The following GNAI1 variants were observed in gnomAD, a reference collection of about 807,000 sequenced individuals.
GNAI1 encodes G protein subunit alpha i1, also known as guanine nucleotide-binding protein G(i) subunit alpha-1.
In GNAI1, 11 loss-of-function variants were observed where a neutral mutation model predicts 38.9. The observed-to-expected ratio is 0.28, with a 90% CI of 0.18 to 0.47. The LOEUF (loss-of-function observed/expected upper bound fraction) is 0.47. Among genes scored for constraint, GNAI1 ranks in the 20% least tolerant of loss-of-function variants. The probability of loss-of-function intolerance (pLI) is 0.99; values close to 1 mark genes in which losing one functional copy is unlikely to be tolerated. For missense variants in GNAI1, 317 were observed against 436.9 expected (o/e 0.73, Z 2.45); for synonymous variants, 166 against 145.1 (o/e 1.14, Z -1.04).
rs768764980 is a variant in GNAI1, at chr7:80,155,479, T to C, written c.118+20201T>C. On this transcript the variant is annotated intron_variant, in intron 1 of 7. Coordinates refer to ENST00000649796, the MANE Select transcript of GNAI1 (RefSeq NM_002069.6). Reference sequence around the variant, plus strand: ...TGATTTCCGTTAGGTAGTTAGAGGTTATGTTTTTATTTATTCTGAAATGAT... The same window carrying C: ...TGATTTCCGTTAGGTAGTTAGAGGTCATGTTTTTATTTATTCTGAAATGAT... Among the ~76,000 whole-genome samples, 3 of 152,224 alleles carry C rather than the reference T, an allele frequency of 2.0e-5. No homozygotes were observed. The East Asian group carries it at 5.8e-4, about 29-fold the overall frequency.
intron 1 of GNAI1, among the ~76,000 whole-genome samples, chr7:80,140,007 G>A (rs1433578657): frequency 3.7e-5 from 5 of 135,916 alleles, no homozygotes; most frequent in East Asian, 2.2e-4. Flanking sequence ...TTTTTTTGAC[G>A]GAGTCTTGCT....
At chr7:80,161,954 G>T (rs1787930978) in intron 1 of GNAI1, among the ~76,000 whole-genome samples, 1 of 152,110 alleles carries the variant, frequency 6.6e-6, no homozygotes, top group South Asian at 2.1e-4. Context: ...TAAATACCAG[G>T]TTATTTAATA....
chr7:80,216,967 A>G lies in GNAI1; in HGVS notation c.875-336A>G, dbSNP rs138169986. Among the ~76,000 whole-genome samples, 492 of 152,286 alleles carry G rather than the reference A, an allele frequency of 3.2e-3. 3 individuals carry two copies. The highest frequency in any genetic ancestry group is 0.011 in the African/African-American group (464 of 41,576). On this transcript the variant is annotated intron_variant, in intron 7 of 7. Coordinates refer to ENST00000649796, the MANE Select transcript of GNAI1 (RefSeq NM_002069.6). Reference sequence around the variant, plus strand: ...CTGAAATAGCATGCCGTCGTCAAGCATCTGAGCTGGGGTGTAGAGGACAGA... The same window carrying G: ...CTGAAATAGCATGCCGTCGTCAAGCGTCTGAGCTGGGGTGTAGAGGACAGA...
chr7:80,212,889 A>G lies in GNAI1; in HGVS notation c.874+20A>G. On this transcript the variant is annotated intron_variant, in intron 7 of 7. Transcript: ENST00000649796. ...ATGCAGGTATTTTCCTTTTCTGGGAATAACTTGTCAAGTTACATATTTCTA... is the reference window on the plus strand; with the variant it reads ...ATGCAGGTATTTTCCTTTTCTGGGAGTAACTTGTCAAGTTACATATTTCTA... 2 of 1,497,304 alleles carry G rather than the reference A, an allele frequency of 1.3e-6. No individual in the cohort carries two copies. The highest frequency in any genetic ancestry group is 1.3e-5 in the South Asian group (1 of 76,712). 92.8% of individuals were successfully genotyped at this position (1,497,304 alleles called of 1,614,324 possible). A position where few individuals can be genotyped will look rare whatever the true frequency, so the allele number is the denominator to read the frequency against.
chr7:80,189,263 A>T (rs746095908), intron 3 of GNAI1, 32 bp downstream of exon 3: 1 of 1,588,692 alleles, frequency 6.3e-7, no homozygotes, highest in Non-Finnish European at 8.6e-7. Flanking sequence ...AGCTGACCTG[A>T]TGGGTAAAAA....
intron 1 of GNAI1, among the ~76,000 whole-genome samples, chr7:80,186,623 CCTTTCTCTGGG>C (rs1446646725): frequency 2.6e-5 from 4 of 152,218 alleles, no homozygotes; most frequent in African/African-American, 9.6e-5. Flanking sequence ...ATCACTTGAA[CCTTTCTCTGGG>C]CTTTTCAGTT....
At chr7:80,209,077 A>G (rs1204486076) in intron 5 of GNAI1, among the ~76,000 whole-genome samples, 2 of 152,094 alleles carry the variant, frequency 1.3e-5, no homozygotes, top group African/African-American at 4.8e-5. Context: ...TAATCTCCCT[A>G]TTTCTACCAG....
chr7:80,166,626 GT>G (rs1190472681), intron 1 of GNAI1, among the ~76,000 whole-genome samples: 2 of 152,046 alleles, frequency 1.3e-5, no homozygotes, highest in African/African-American at 4.8e-5. Flanking sequence ...TTCTAATGTT[GT>G]TTATTTAACT....
intron 1 of GNAI1, among the ~76,000 whole-genome samples, chr7:80,163,595 A>G (rs1787960883): frequency 6.6e-6 from 1 of 152,218 alleles, no homozygotes; most frequent in African/African-American, 2.4e-5. Context: ...ACATATGTGA[A>G]GATAGTTTTA....
chr7:80,160,588 G>T (rs941135323), intron 1 of GNAI1, among the ~76,000 whole-genome samples: 4 of 152,206 alleles, frequency 2.6e-5, no homozygotes, highest in Middle Eastern at 3.4e-3. Flanking sequence ...TTTTAAAAAT[G>T]AATACTTGTG....
chr7:80,171,068 T>G (rs944016694), intron 1 of GNAI1, among the ~76,000 whole-genome samples: 2 of 152,176 alleles, frequency 1.3e-5, no homozygotes, highest in East Asian at 1.9e-4. Flanking sequence ...AGCAACTGAT[T>G]CAACTAGAAA....
Position 80,217,654 on chromosome 7 carries a change from C to G in GNAI1, c.*161C>G, listed in dbSNP as rs1341800988. 2.2e-6 allele frequency: 1 copy of G among 459,330 alleles called. No individual in the cohort carries two copies. Among genetic ancestry groups the G allele is most frequent in the Admixed American group, 4.0e-5 (1 of 24,808 alleles). 28.5% of individuals were successfully genotyped at this position (459,330 alleles called of 1,614,324 possible). A position where few individuals can be genotyped will look rare whatever the true frequency, so the allele number is the denominator to read the frequency against. On this transcript the variant is annotated 3_prime_UTR_variant, in exon 8 of 8. Transcript: ENST00000649796. ...GTTTTGTTTTTTTAACTGAAAGTAA[C>G]AGAAGGACCTTTCTTAAATGTGACA...
In GNAI1 at chr7:80,186,239, G is replaced by A. The variant is rs1461641734; in HGVS notation, c.119-2712G>A. 2.6e-5 allele frequency among the ~76,000 whole-genome samples: 4 copies of A among 151,914 alleles called. No homozygotes were observed. The East Asian group carries it at 7.8e-4, about 30-fold the overall frequency. On this transcript the variant is annotated intron_variant, in intron 1 of 7. Transcript: ENST00000649796. Reference sequence around the variant, plus strand: ...GTAGAGACAGGATTTCACCATATTGGCCAGGCTGGTCTAGAACTCTTGTCC... The same window carrying A: ...GTAGAGACAGGATTTCACCATATTGACCAGGCTGGTCTAGAACTCTTGTCC...
Position 80,224,776 on chromosome 7 carries a change from C to A in GNAI1, c.*7283C>A, listed in dbSNP as rs1789132132. ...ACGTAGCTAGTCCAAAGTGAGTTGG[C>A]CTATTAGTGTAAAATACAAGAGTTC... On this transcript the variant is annotated 3_prime_UTR_variant, in exon 8 of 8. Transcript: ENST00000649796. Among the ~76,000 whole-genome samples, 2 of 151,974 alleles carry A rather than the reference C, an allele frequency of 1.3e-5. No individual in the cohort carries two copies. Among genetic ancestry groups the A allele is most frequent in the South Asian group, 4.2e-4 (2 of 4,804 alleles).
Position 80,220,467 on chromosome 7 carries a change from A to G in GNAI1, c.*2974A>G, listed in dbSNP as rs1250584544. On this transcript the variant is annotated 3_prime_UTR_variant, in exon 8 of 8. Coordinates refer to ENST00000649796, the MANE Select transcript of GNAI1 (RefSeq NM_002069.6). ...TGATTCTGATAGAGCTGCCAATCGC[A>G]TTTCTTACTTCTCCGTCTCTAGGCT... is the stretch of plus-strand genomic sequence containing the variant. Among the ~76,000 whole-genome samples the G allele has an allele frequency of 1.3e-5, 2 of 152,090 alleles. No homozygotes were observed.
intron 3 of GNAI1, among the ~76,000 whole-genome samples, chr7:80,197,683 A>G (rs956220410): frequency 6.6e-6 from 1 of 152,086 alleles, no homozygotes; most frequent in Non-Finnish European, 1.5e-5. Context: ...TATTAAGGAT[A>G]TCATGCACGT....
rs574727960 is a variant in GNAI1, at chr7:80,226,141, G to C, written c.*8648G>C. Among the ~76,000 whole-genome samples, 1 of 152,080 alleles carries C rather than the reference G, an allele frequency of 6.6e-6. No individual in the cohort carries two copies. Among genetic ancestry groups the C allele is most frequent in the East Asian group, 1.9e-4 (1 of 5,172 alleles). The stretch of plus-strand genomic sequence containing the variant: ...TTTATATCAACTTAATTGTCTTTTG[G>C]TTTAAAATTATGTATCCAATAAAGA... On this transcript the variant is annotated 3_prime_UTR_variant, in exon 8 of 8. Transcript: ENST00000649796.
At chr7:80,135,652 C>CCG in intron 1 of GNAI1, 1 of 153,806 alleles carries the variant, frequency 6.5e-6, no homozygotes, top group Non-Finnish European at 1.3e-5. Flanking sequence ...GAAAACACCC[C>CCG]CCCCCCCGCG....
In GNAI1 at chr7:80,189,224, C is replaced by A. The variant is rs766033442; in HGVS notation, c.296C>A (p.Ala99Asp). Reference protein sequence around the residue: ...GRLKIDFGDSARADDARQLFV... With the variant: ...GRLKIDFGDSDRADDARQLFV... ...TTGAAGATAGACTTTGGTGACTCAG[C>A]CCGGGCGGTAAGTTATTAAATTTGT... Residue 99 changes from alanine to aspartate, a missense_variant, in exon 3 of 8, where the codon GCC (alanine) becomes GAC (aspartate). Ala to Asp is a moderately radical substitution (Grantham distance 126). This residue lies in a region of GNAI1 where 67 missense variants were observed against 61.5 expected (regional missense o/e 1.09). Coordinates refer to ENST00000649796, the MANE Select transcript of GNAI1 (RefSeq NM_002069.6). The A allele has an allele frequency of 3.1e-6, 5 of 1,610,354 alleles. No homozygotes were observed. The South Asian group carries it at 5.5e-5, about 18-fold the overall frequency.
Sources: allele counts gnomAD v4.1 joint callset (sites outside exome capture counted in the v4.1 genomes callset), GRCh38; gene constraint gnomAD v4.1.1; regional missense constraint gnomAD v4.1.1; transcripts MANE v1.5; gene names NCBI Gene and HGNC (gene_info 2026-07-23, HGNC 2026-07-21).